The following DNAJC1 variants were observed in gnomAD, a reference collection of about 807,000 sequenced individuals.
The protein encoded by DNAJC1 is dnaJ homolog subfamily C member 1.
Under a neutral mutation model 76.6 loss-of-function variants are expected in DNAJC1, and 58 were observed. The ratio of observed to expected loss-of-function variants is 0.76; its 90% CI spans 0.61 to 0.94. The LOEUF is 0.94. Among genes scored for constraint, DNAJC1 ranks in the 40% least tolerant of loss-of-function variants. DNAJC1 has a pLI of 0.00. For missense variants in DNAJC1, 689 were observed against 677.3 expected (o/e 1.02, Z -0.19); for synonymous variants, 258 against 267.9 (o/e 0.96, Z 0.36).
Position 21,904,504 on chromosome 10 carries a change from C to G in DNAJC1, c.820+18G>C, listed in dbSNP as rs1036603425. ...AATTTTATATGACATTGTTAAAACA[C>G]TAATGTTTAAAACTCACTTTGAAGT... is the stretch of plus-strand genomic sequence containing the variant. On this transcript the variant is annotated intron_variant, in intron 7 of 11. Coordinates refer to ENST00000376980, the MANE Select transcript of DNAJC1 (RefSeq NM_022365.4). 8 of 1,444,120 alleles carry G rather than the reference C, an allele frequency of 5.5e-6. No homozygotes were observed. The highest frequency in any genetic ancestry group is 7.5e-6 in the Non-Finnish European group (8 of 1,062,618). The allele number at this position is 1,444,120 out of a possible 1,614,324, so 89.5% of individuals were successfully genotyped here. A position where few individuals can be genotyped will look rare whatever the true frequency, so the allele number is the denominator to read the frequency against.
At chr10:21,957,799 T>C (rs961112473) in intron 1 of DNAJC1, among the ~76,000 whole-genome samples, 2 of 152,244 alleles carry the variant, frequency 1.3e-5, no homozygotes, top group South Asian at 2.1e-4. Flanking sequence ...TTGGTACATA[T>C]ACTTCTCAAT....
At chr10:21,941,162 G>A (rs370696451) in intron 1 of DNAJC1, among the ~76,000 whole-genome samples, 4 of 149,948 alleles carry the variant, frequency 2.7e-5, no homozygotes, top group Non-Finnish European at 5.9e-5. Context: ...CCAGCTACTC[G>A]GGAGGCTGAG....
chr10:21,888,255 G>C (rs1383139306), intron 7 of DNAJC1, among the ~76,000 whole-genome samples: 2 of 152,150 alleles, frequency 1.3e-5, no homozygotes, highest in Non-Finnish European at 2.9e-5. Context: ...CCAAGGTTAT[G>C]GAGAAAAGGG....
At chr10:21,929,007 C>A in intron 2 of DNAJC1, 33 bp downstream of exon 2, 1 of 1,341,926 alleles carries the variant, frequency 7.5e-7, no homozygotes, top group Admixed American at 2.2e-5. Flanking sequence ...ACATTTGTCA[C>A]AAAATATATA....
At chr10:21,881,181 C>T (rs1245873510) in intron 8 of DNAJC1, among the ~76,000 whole-genome samples, 1 of 152,194 alleles carries the variant, frequency 6.6e-6, no homozygotes, top group African/African-American at 2.4e-5. Context: ...CTGGATTAGG[C>T]TTTGGCTCAA....
chr10:21,951,214 G>T (rs1198565999), intron 1 of DNAJC1, among the ~76,000 whole-genome samples: 1 of 152,044 alleles, frequency 6.6e-6, no homozygotes, highest in African/African-American at 2.4e-5. Context: ...CAGCTACTAA[G>T]GAGGCTGAGG....
intron 1 of DNAJC1, among the ~76,000 whole-genome samples, chr10:21,946,595 C>T (rs75555945): frequency 0.013 from 1,981 of 152,178 alleles, 39 homozygotes; most frequent in African/African-American, 0.045. Context: ...CATTTGAAAA[C>T]GGTTTGGCAG....
At chr10:21,758,666 T>G (rs190412356) in intron 11 of DNAJC1, among the ~76,000 whole-genome samples, 1 of 152,376 alleles carries the variant, frequency 6.6e-6, no homozygotes, top group Admixed American at 6.5e-5. Flanking sequence ...CCAAAGTTAT[T>G]CACATGGCAG....
intron 3 of DNAJC1, among the ~76,000 whole-genome samples, chr10:21,924,922 C>T (rs1837101420): frequency 6.6e-6 from 1 of 152,138 alleles, no homozygotes; most frequent in South Asian, 2.1e-4. Context: ...ATTTGTCTAT[C>T]TAAACTTAGA....
chr10:21,906,572 A>C (rs1836749728), intron 6 of DNAJC1, among the ~76,000 whole-genome samples: 1 of 152,168 alleles, frequency 6.6e-6, no homozygotes, highest in Non-Finnish European at 1.5e-5. Flanking sequence ...CAGATTAGTT[A>C]TTTATGAGAG....
chr10:21,795,306 A>G (rs1194258726), intron 9 of DNAJC1, among the ~76,000 whole-genome samples: 1 of 152,236 alleles, frequency 6.6e-6, no homozygotes, highest in Non-Finnish European at 1.5e-5. Flanking sequence ...ATATTGAGCA[A>G]TATGAAGAAA....
At chr10:21,929,188 A>C in intron 1 of DNAJC1, 47 bp from the exon 2 acceptor site, 1 of 1,343,476 alleles carries the variant, frequency 7.4e-7, no homozygotes, top group Non-Finnish European at 1.0e-6. Context: ...ACTTTGTCAG[A>C]AAAAGAAATT....
intron 9 of DNAJC1, among the ~76,000 whole-genome samples, chr10:21,802,713 A>C (rs1299467283): frequency 6.6e-6 from 1 of 152,162 alleles, no homozygotes; most frequent in Non-Finnish European, 1.5e-5. Context: ...ATTAGTGACC[A>C]GGGAGAGAAG....
At chr10:21,972,425 AG>A (rs1335496698) in intron 1 of DNAJC1, among the ~76,000 whole-genome samples, 1 of 152,042 alleles carries the variant, frequency 6.6e-6, no homozygotes, top group Non-Finnish European at 1.5e-5. Context: ...TTTCTACTTG[AG>A]TATGTATTTA....
chr10:21,812,965 A>G (rs1834992789), intron 8 of DNAJC1, among the ~76,000 whole-genome samples: 1 of 150,932 alleles, frequency 6.6e-6, no homozygotes, highest in African/African-American at 2.4e-5. Flanking sequence ...CCAATAGGAT[A>G]CTGTGGAAGG....
intron 8 of DNAJC1, among the ~76,000 whole-genome samples, chr10:21,834,339 G>C (rs935665328): frequency 2.0e-5 from 3 of 152,212 alleles, no homozygotes; most frequent in African/African-American, 7.2e-5. Context: ...GGACTAAGGA[G>C]AGGAGCCAAG....
intron 9 of DNAJC1, among the ~76,000 whole-genome samples, chr10:21,794,508 A>G (rs1834731476): frequency 6.6e-6 from 1 of 152,148 alleles, no homozygotes; most frequent in African/African-American, 2.4e-5. Flanking sequence ...GCAAATGAAC[A>G]TCCATGAGCA....
intron 9 of DNAJC1, among the ~76,000 whole-genome samples, chr10:21,778,701 A>G (rs984666203): frequency 1.3e-5 from 2 of 152,172 alleles, no homozygotes; most frequent in African/African-American, 4.8e-5. Context: ...CTGCATTTCC[A>G]ATTGAGATAC....
At chr10:21,858,684 A>G (rs1223575938) in intron 8 of DNAJC1, among the ~76,000 whole-genome samples, 1 of 152,178 alleles carries the variant, frequency 6.6e-6, no homozygotes, top group African/African-American at 2.4e-5. Flanking sequence ...TATTTAATTC[A>G]TTGCAGCCCT....
Sources: gnomAD v4.1 joint callset for allele counts (sites outside exome capture counted in the v4.1 genomes callset) on GRCh38, gnomAD v4.1.1 for gene constraint, MANE v1.5 for transcripts, NCBI Gene and HGNC (gene_info 2026-07-23, HGNC 2026-07-21) for gene names.